The following DPYSL3 variants were observed in gnomAD, a reference collection of about 807,000 sequenced individuals.
The protein encoded by DPYSL3 is dihydropyrimidinase-related protein 3.
Under a neutral mutation model 66.1 loss-of-function variants are expected in DPYSL3, and 16 were observed. The ratio of observed to expected loss-of-function variants is 0.24; its 90% CI spans 0.16 to 0.37. The LOEUF is 0.37. DPYSL3 is among the 10% of genes least tolerant of loss of function. The pLI is 1.00. For synonymous variants in DPYSL3, 338 were observed against 345.1 expected, an observed-to-expected ratio of 0.98 and a Z score of 0.23; for missense variants, 738 against 916.2, an observed-to-expected ratio of 0.81 and a Z score of 2.51.
chr5:147,452,074 C>G (rs780637383), intron 1 of DPYSL3, among the ~76,000 whole-genome samples: 10 of 152,194 alleles, frequency 6.6e-5, no homozygotes, highest in Non-Finnish European at 1.2e-4. Flanking sequence ...TCCCCAGCAC[C>G]AGCTGGGAAG....
intron 1 of DPYSL3, among the ~76,000 whole-genome samples, chr5:147,483,111 C>T (rs1753273621): frequency 6.6e-6 from 1 of 152,072 alleles, no homozygotes; most frequent in Non-Finnish European, 1.5e-5. Context: ...TGGCGGTGCT[C>T]ACAGAAAATC....
intron 1 of DPYSL3, among the ~76,000 whole-genome samples, chr5:147,479,495 G>C (rs1284393823): frequency 6.6e-6 from 1 of 152,172 alleles, no homozygotes; most frequent in Non-Finnish European, 1.5e-5. Flanking sequence ...AAAAGGAGGT[G>C]AAACACAATG....
chr5:147,485,965 GATGAGAAGATAA>G (rs1360934336), intron 1 of DPYSL3, among the ~76,000 whole-genome samples: 1 of 152,142 alleles, frequency 6.6e-6, no homozygotes, highest in African/African-American at 2.4e-5. Context: ...TCTATCAGCT[GATGAGAAGATAA>G]ATACAATCTG....
chr5:147,414,953 T>C (rs912660101), intron 4 of DPYSL3, among the ~76,000 whole-genome samples: 1 of 152,144 alleles, frequency 6.6e-6, no homozygotes, highest in African/African-American at 2.4e-5. Flanking sequence ...GCAAAGGCCA[T>C]TACTTACACT....
At chr5:147,421,365 C>CA (rs1752073172) in intron 2 of DPYSL3, among the ~76,000 whole-genome samples, 1 of 151,856 alleles carries the variant, frequency 6.6e-6, no homozygotes, top group Admixed American at 6.6e-5. Context: ...AAATAAGACA[C>CA]AAACAAATGG....
chr5:147,474,411 A>AT (rs1338303762), intron 1 of DPYSL3, among the ~76,000 whole-genome samples: 3 of 151,980 alleles, frequency 2.0e-5, no homozygotes, highest in African/African-American at 7.2e-5. Flanking sequence ...TTTTATCTGC[A>AT]TTTTTTTCAT....
At chr5:147,469,791 C>A (rs1399109666) in intron 1 of DPYSL3, among the ~76,000 whole-genome samples, 4 of 152,206 alleles carry the variant, frequency 2.6e-5, no homozygotes, top group African/African-American at 9.7e-5. Flanking sequence ...TCTAGCCAGC[C>A]CTCTCCTCTT....
At position 147,418,480 on chromosome 5, in the gene DPYSL3, T is replaced by C. The variant is rs781579811; in HGVS notation, c.622A>G (p.Lys208Glu). 6.2e-7 allele frequency: 1 copy of C among 1,612,888 alleles called. No individual in the cohort carries two copies. Residue 208 changes from lysine (K) to glutamate (E), a missense_variant, in exon 3 of 14, where the codon AAG becomes GAG. Lys to Glu is a moderately conservative substitution (Grantham distance 56). Transcript: ENST00000343218. Reference sequence around the variant, plus strand: ...GTGGTGCCACCTGCTAAGGCCGCCTTTGTCCCTTGGAAGAAGTCATCTACT... The same window carrying C: ...GTGGTGCCACCTGCTAAGGCCGCCTCTGTCCCTTGGAAGAAGTCATCTACT... Reference protein sequence around the residue: ...TTVDDFFQGTKAALAGGTTMI... With the variant: ...TTVDDFFQGTEAALAGGTTMI...
chr5:147,503,453 T>A (rs1364046415), intron 1 of DPYSL3, among the ~76,000 whole-genome samples: 2 of 152,048 alleles, frequency 1.3e-5, no homozygotes, highest in East Asian at 1.9e-4. Flanking sequence ...ACCACCATGC[T>A]TAGTTAATTT....
intron 1 of DPYSL3, among the ~76,000 whole-genome samples, chr5:147,467,558 C>T (rs550124801): frequency 6.1e-4 from 93 of 152,234 alleles, no homozygotes; most frequent in African/African-American, 2.0e-3. Flanking sequence ...ATATACAGAA[C>T]GCCTTCCAAA....
chr5:147,415,819 C>A lies in DPYSL3; in HGVS notation c.710G>T (p.Trp237Leu). The A allele has an allele frequency of 6.2e-7, 1 of 1,614,098 alleles. No homozygotes were observed. The highest frequency in any genetic ancestry group is 8.5e-7 in the Non-Finnish European group (1 of 1,179,998). ...ACTCTTCCCATCAGCCCACTCTCTC[C>A]ATTTCTCATAGGCCTCAGTCAGGCT... Reference protein sequence around the residue: ...ESSLTEAYEKWREWADGKSCC... With the variant: ...ESSLTEAYEKLREWADGKSCC... The change falls in exon 4 of 14, where the codon TGG becomes TTG. Residue 237 changes from tryptophan (W) to leucine (L), a missense_variant. Trp to Leu is a moderately conservative substitution (Grantham distance 61). Coordinates refer to ENST00000343218, the MANE Select transcript of DPYSL3 (RefSeq NM_001197294.2).
intron 1 of DPYSL3, among the ~76,000 whole-genome samples, chr5:147,496,522 G>C (rs1394277432): frequency 2.0e-5 from 3 of 151,788 alleles, no homozygotes; most frequent in African/African-American, 7.3e-5. Flanking sequence ...CTAATATCCA[G>C]AATCTACAAT....
intron 1 of DPYSL3, among the ~76,000 whole-genome samples, chr5:147,506,396 A>G (rs1753685853): frequency 6.6e-6 from 1 of 152,208 alleles, no homozygotes; most frequent in African/African-American, 2.4e-5. Flanking sequence ...TGGAGACAAT[A>G]GTAAGTCATA....
At chr5:147,476,930 C>T (rs996020380) in intron 1 of DPYSL3, among the ~76,000 whole-genome samples, 9 of 152,092 alleles carry the variant, frequency 5.9e-5, no homozygotes, top group African/African-American at 2.2e-4. Context: ...GAATCAGGTT[C>T]ATCAGATTCT....
chr5:147,447,798 A>T (rs1297087155), intron 1 of DPYSL3, among the ~76,000 whole-genome samples: 1 of 152,218 alleles, frequency 6.6e-6, no homozygotes, highest in Non-Finnish European at 1.5e-5. Flanking sequence ...AGATCGCGCC[A>T]CTGCACTCCA....
intron 1 of DPYSL3, among the ~76,000 whole-genome samples, chr5:147,457,615 C>A (rs1248536473): frequency 1.3e-5 from 2 of 152,120 alleles, no homozygotes; most frequent in East Asian, 3.9e-4. Context: ...TGATACAGTC[C>A]AAAAATTTCA....
At chr5:147,409,024 A>C (rs1174350201) in intron 6 of DPYSL3, among the ~76,000 whole-genome samples, 1 of 152,254 alleles carries the variant, frequency 6.6e-6, no homozygotes, top group African/African-American at 2.4e-5. Context: ...GTTGTCTGTT[A>C]GACTATTTTT....
intron 1 of DPYSL3, among the ~76,000 whole-genome samples, chr5:147,431,907 G>T (rs1426090095): frequency 6.6e-6 from 1 of 152,014 alleles, no homozygotes; most frequent in Non-Finnish European, 1.5e-5. Flanking sequence ...TCCCACCCAC[G>T]CTCCCTCCAG....
chr5:147,453,673 C>G (rs1016144859), intron 1 of DPYSL3: 24 of 1,466,466 alleles, frequency 1.6e-5, no homozygotes, highest in Non-Finnish European at 1.9e-5. Flanking sequence ...CACAGCGCCC[C>G]GAGATCAGGT....
Sources: allele counts gnomAD v4.1 joint callset (sites outside exome capture counted in the v4.1 genomes callset), GRCh38; gene constraint gnomAD v4.1.1; transcripts MANE v1.5; gene names NCBI Gene and HGNC (gene_info 2026-07-23, HGNC 2026-07-21).